The following GLIS2 variants were observed in gnomAD, a reference collection of about 807,000 sequenced individuals.
GLIS2 encodes zinc finger protein GLIS2.
A neutral mutation model predicts 35.6 loss-of-function variants in GLIS2; 14 were observed. The ratio of observed to expected loss-of-function variants is 0.39; its 90% CI spans 0.26 to 0.61. The LOEUF (loss-of-function observed/expected upper bound fraction) is 0.61, where lower values mean the gene tolerates loss of function less well. GLIS2 is among the 20% of genes least tolerant of loss of function. The pLI is 0.48. For missense variants in GLIS2, 675 were observed against 713.4 expected (o/e 0.95, Z 0.61); for synonymous variants, 368 against 325.1 (o/e 1.13, Z -1.42).
intron 1 of GLIS2, among the ~76,000 whole-genome samples, chr16:4,328,689 T>C (rs1366101138): frequency 6.6e-6 from 1 of 152,158 alleles, no homozygotes; most frequent in East Asian, 1.9e-4. Context: ...CCCTGGGGAC[T>C]GGACCTGCTG....
chr16:4,332,416 A>AG lies in GLIS2; in HGVS notation c.137dup (p.Ser46ArgfsTer131). ...CAGGGAGCTGGGCCTGGTGGATGAC[A>AG]GCCCCACACCTGGCTCTCCAGGCTC... is the stretch of plus-strand genomic sequence containing the variant. On this transcript the variant is annotated frameshift_variant, in exon 2 of 7. Transcript: ENST00000433375. LOFTEE classifies it high-confidence loss of function. The surrounding 1 kb of genome is among the most constrained non-coding windows in gnomAD (Gnocchi z 5.4). 6.2e-7 allele frequency: 1 copy of AG among 1,612,678 alleles called. No homozygotes were observed. Among genetic ancestry groups the AG allele is most frequent in the Non-Finnish European group, 8.5e-7 (1 of 1,180,002 alleles).
upstream of GLIS2, among the ~76,000 whole-genome samples, chr16:4,315,609 C>T (rs1335025104): frequency 2.6e-5 from 4 of 151,634 alleles, no homozygotes; most frequent in East Asian, 7.8e-4. Flanking sequence ...TCCCCCGCCC[C>T]CCCAGGCCAC....
rs767156568 is a variant in GLIS2, at chr16:4,337,042, C to T, written c.1093C>T (p.Pro365Ser). The change falls in exon 7 of 7, where the codon CCT (proline) becomes TCT (serine). Residue 365 changes from proline (P) to serine (S), a missense_variant. Pro to Ser is a moderately conservative substitution (Grantham distance 74). Transcript: ENST00000433375. The part of the protein sequence containing the change: ...IPNPAALFGG[P>S]GLPGLPLPLA... ...CAACCCAGCTGCCCTCTTTGGAGGC[C>T]CTGGCCTGCCCGGCTTACCCCTACC... The T allele has an allele frequency of 1.9e-5, 30 of 1,583,378 alleles. No individual in the cohort carries two copies. Among genetic ancestry groups the T allele is most frequent in the Non-Finnish European group, 2.6e-5 (30 of 1,169,940 alleles).
At chr16:4,318,247 C>T (rs1286607963) in intron 1 of GLIS2, among the ~76,000 whole-genome samples, 1 of 152,192 alleles carries the variant, frequency 6.6e-6, no homozygotes, top group African/African-American at 2.4e-5. Context: ...GCTCCACCAC[C>T]AACTTCCAGT....
intron 3 of GLIS2, 149 bp from the exon 4 acceptor site, chr16:4,334,652 T>C (rs897373121): frequency 1.2e-6 from 1 of 866,300 alleles, no homozygotes; most frequent in African/African-American, 1.7e-5. Context: ...GCAAAGATCC[T>C]AGTTCCAAAT....
In GLIS2 at chr16:4,336,962, C is replaced by G; in HGVS notation, c.1013C>G (p.Pro338Arg). 1 of 1,611,154 alleles carries G rather than the reference C, an allele frequency of 6.2e-7. No homozygotes were observed. The highest frequency in any genetic ancestry group is 1.1e-5 in the South Asian group (1 of 90,924). ...LLQLRPPPKPPLPAPDGGPYV... is the reference protein window; with the variant it reads ...LLQLRPPPKPRLPAPDGGPYV... ...CAGCTGCGCCCACCCCCCAAGCCGC[C>G]ACTGCCCGCCCCCGACGGCGGCCCC... The change falls in exon 7 of 7, where the codon CCA becomes CGA. Residue 338 changes from proline (P) to arginine (R), a missense_variant. By Grantham distance (103) the Pro-to-Arg change is moderately radical (BLOSUM62 -2). Transcript: ENST00000433375.
rs2053578104 is a variant in GLIS2, at chr16:4,338,050, A to C, written c.*526A>C. ...CCCCTTTCCCTCTGACCCTGCCTCC[A>C]GAGGGAAAGCAAGACAGATGCAGGC... is the stretch of plus-strand genomic sequence containing the variant. On this transcript the variant is annotated 3_prime_UTR_variant, in exon 7 of 7. Transcript: ENST00000433375. 5.3e-6 allele frequency: 1 copy of C among 189,862 alleles called. No individual in the cohort carries two copies. The highest frequency in any genetic ancestry group is 5.4e-5 in the Admixed American group (1 of 18,524). 11.8% of individuals were successfully genotyped at this position (189,862 alleles called of 1,614,324 possible).
chr16:4,337,316 T>C lies in GLIS2; in HGVS notation c.1367T>C (p.Leu456Pro). The part of the protein sequence containing the change: ...KGRGSVPTRA[L>P]GMEGHKTPLE... ...CGTGGGTCGGTGCCCACCAGGGCCC[T>C]GGGCATGGAGGGCCACAAGACGCCC... Residue 456 changes from leucine (L) to proline (P), a missense_variant, in exon 7 of 7, where the codon CTG becomes CCG. Around this residue, in one of 3 missense-constraint regions of GLIS2, gnomAD observed 317 missense variants for 283.2 expected, o/e 1.12. Transcript: ENST00000433375. 1.3e-6 allele frequency: 2 copies of C among 1,572,300 alleles called. No individual in the cohort carries two copies. The highest frequency in any genetic ancestry group is 2.3e-5 in the South Asian group (2 of 85,934).
At position 4,332,029 on chromosome 16, in the gene GLIS2, A is replaced by T. The variant is rs1032175250; in HGVS notation, c.-66-186A>T. ...AGAGACTCATGGGAAGCAGATGCGG[A>T]ATCTCTGAGGAGGCTGTTGGCTCTC... On this transcript the variant is annotated intron_variant, in intron 1 of 6. Transcript: ENST00000433375. The surrounding 1 kb of genome is among the most constrained non-coding windows in gnomAD (Gnocchi z 5.4). Among the ~76,000 whole-genome samples, 1 of 152,128 alleles carries T rather than the reference A, an allele frequency of 6.6e-6. No individual in the cohort carries two copies. The highest frequency in any genetic ancestry group is 1.5e-5 in the Non-Finnish European group (1 of 68,008).
chr16:4,322,508 T>G (rs897018469), intron 1 of GLIS2, among the ~76,000 whole-genome samples: 1 of 152,122 alleles, frequency 6.6e-6, no homozygotes, highest in African/African-American at 2.4e-5. Context: ...ATGGACTGTG[T>G]GCAGCAGGCA....
At position 4,335,394 on chromosome 16, in the gene GLIS2, G is replaced by GTA. The variant is rs753502263; in HGVS notation, c.775+2_775+3dup. ...AAGATCCACAACCGGTCGCACACAG[G>GTA]TAAGAGGCCGGGGCCGGGCGGCTTG... On this transcript the variant is annotated splice_donor_variant, in intron 6 of 6. Coordinates refer to ENST00000433375, the MANE Select transcript of GLIS2 (RefSeq NM_032575.3). LOFTEE classifies it high-confidence loss of function. The surrounding 1 kb of genome is among the most constrained non-coding windows in gnomAD (Gnocchi z 4.6). The GTA allele has an allele frequency of 6.2e-7, 1 of 1,613,420 alleles. No homozygotes were observed. Among genetic ancestry groups the GTA allele is most frequent in the Admixed American group, 1.7e-5 (1 of 60,022 alleles).
Position 4,333,515 on chromosome 16 carries a change from C to T in GLIS2, c.341C>T (p.Ala114Val), listed in dbSNP as rs972780065. The change falls in exon 3 of 7, where the codon GCC becomes GTC. Residue 114 changes from alanine (A) to valine (V), a missense_variant. Around this residue, in one of 3 missense-constraint regions of GLIS2, gnomAD observed 225 missense variants for 238.7 expected, o/e 0.94. Coordinates refer to ENST00000433375, the MANE Select transcript of GLIS2 (RefSeq NM_032575.3). ...GGGGACCTGCCTCCAGTGCCCAGTG[C>T]CTCGGTAAGGAGGGGTGAGAGTTCC... The part of the protein sequence containing the change: ...GNGDLPPVPS[A>V]SDFQPLRYLD... 2.5e-6 allele frequency: 4 copies of T among 1,609,342 alleles called. No individual in the cohort carries two copies. Among genetic ancestry groups the T allele is most frequent in the Non-Finnish European group, 2.5e-6 (3 of 1,177,918 alleles).
rs936920202 is a variant in GLIS2 at position 4,332,608 on chromosome 16, G to A, written c.172+156G>A. Among the ~76,000 whole-genome samples, 3 of 152,230 alleles carry A rather than the reference G, an allele frequency of 2.0e-5. No homozygotes were observed. Among genetic ancestry groups the A allele is most frequent in the African/African-American group, 7.2e-5 (3 of 41,462 alleles). ...CTTGTCCTTCCATCCGCCCAGCATC[G>A]TATGTCTGCAGGGAGGTGGGAGCTG... On this transcript the variant is annotated intron_variant, in intron 2 of 6. Transcript: ENST00000433375. The surrounding 1 kb of genome is among the most constrained non-coding windows in gnomAD (Gnocchi z 5.4).
chr16:4,323,046 C>T (rs1031173263), intron 1 of GLIS2, among the ~76,000 whole-genome samples: 8 of 152,228 alleles, frequency 5.3e-5, no homozygotes, highest in African/African-American at 1.7e-4. Context: ...GTGTGTGCCA[C>T]ATTTGTGCAC....
intron 1 of GLIS2, among the ~76,000 whole-genome samples, chr16:4,327,603 G>A (rs1393652497): frequency 6.6e-6 from 1 of 152,114 alleles, no homozygotes; most frequent in Non-Finnish European, 1.5e-5. Flanking sequence ...GCAGCTGGGG[G>A]CCGTCTGCTC....
In GLIS2 at chr16:4,336,751, G is replaced by A. The variant is rs772155768; in HGVS notation, c.802G>A (p.Glu268Lys). Reference protein sequence around the residue: ...TGEKPYVCPYEGCNKRYSNSS... With the variant: ...TGEKPYVCPYKGCNKRYSNSS... The stretch of plus-strand genomic sequence containing the variant: ...TGAGAAGCCCTACGTCTGCCCCTAC[G>A]AGGGCTGCAACAAGCGCTATTCCAA... Residue 268 changes from glutamate (E) to lysine (K), a missense_variant, in exon 7 of 7, where the codon GAG becomes AAG. By Grantham distance (56) the Glu-to-Lys change is moderately conservative (BLOSUM62 1). Transcript: ENST00000433375. The A allele has an allele frequency of 6.2e-6, 10 of 1,608,646 alleles. No homozygotes were observed. Among genetic ancestry groups the A allele is most frequent in the African/African-American group, 1.3e-5 (1 of 74,932 alleles).
At chr16:4,326,320 A>C (rs777146688) in intron 1 of GLIS2, 1 of 152,224 alleles carries the variant, frequency 6.6e-6, no homozygotes, top group Non-Finnish European at 1.5e-5. Flanking sequence ...CTTGTCTCCA[A>C]GTTCTCAGCT....
intron 1 of GLIS2, among the ~76,000 whole-genome samples, chr16:4,326,095 A>T (rs1358977538): frequency 6.6e-6 from 1 of 151,852 alleles, no homozygotes; most frequent in East Asian, 1.9e-4. Flanking sequence ...ACACAAAAAA[A>T]TTAGCCGGGT....
upstream of GLIS2, chr16:4,314,871 T>G (rs972547393): frequency 1.1e-4 from 17 of 152,302 alleles, no homozygotes; most frequent in African/African-American, 4.1e-4. Context: ...GGAGGGCTGT[T>G]TTTTTGAACT....
Sources: gnomAD v4.1 joint callset for allele counts (sites outside exome capture counted in the v4.1 genomes callset) on GRCh38, gnomAD v4.1.1 for gene constraint, gnomAD v4.1.1 regional missense constraint, Gnocchi (gnomAD v3.1) non-coding constraint, MANE v1.5 for transcripts, NCBI Gene and HGNC (gene_info 2026-07-23, HGNC 2026-07-21) for gene names.